ADAMTSL1: variants seen among roughly 807,000 people sequenced by gnomAD.
ADAMTSL1 encodes the protein ADAMTS like 1.
Under a neutral mutation model 201.8 loss-of-function variants are expected in ADAMTSL1, and 126 were observed. The observed-to-expected ratio is 0.62, with a 90% CI of 0.54 to 0.72. The LOEUF (loss-of-function observed/expected upper bound fraction) is 0.72. ADAMTSL1 is among the 30% of genes least tolerant of loss of function. ADAMTSL1 has a pLI of 0.00. For missense variants in ADAMTSL1, 2,679 were observed against 2,277.8 expected, an observed-to-expected ratio of 1.18 and a Z score of -3.59; for synonymous variants, 1,121 against 903.4, an observed-to-expected ratio of 1.24 and a Z score of -4.32.
At chr9:18,563,317 T>G (rs1188677037) in intron 3 of ADAMTSL1, among the ~76,000 whole-genome samples, 1 of 152,176 alleles carries the variant, frequency 6.6e-6, no homozygotes, top group Non-Finnish European at 1.5e-5. Flanking sequence ...CCAGACCCTG[T>G]TTACCTGGGT....
chr9:18,491,347 G>T (rs1822262790), intron 1 of ADAMTSL1, among the ~76,000 whole-genome samples: 1 of 152,106 alleles, frequency 6.6e-6, no homozygotes, highest in Admixed American at 6.5e-5. Flanking sequence ...TTTTCACATT[G>T]CTAAGCATGT....
intron 20 of ADAMTSL1, among the ~76,000 whole-genome samples, chr9:18,800,128 G>A (rs1425427258): frequency 1.3e-5 from 2 of 152,080 alleles, no homozygotes; most frequent in Non-Finnish European, 2.9e-5. Flanking sequence ...TGTAATCCCA[G>A]CACTTTGGGA....
chr9:18,209,545 G>A (rs1393023147), intron 2 of ADAMTSL1, among the ~76,000 whole-genome samples: 4 of 152,102 alleles, frequency 2.6e-5, no homozygotes, highest in Admixed American at 2.0e-4. Context: ...GCTAAAGGGA[G>A]GTCCCGATAA....
At chr9:18,131,079 C>A (rs888708818) in intron 1 of ADAMTSL1, among the ~76,000 whole-genome samples, 1 of 152,140 alleles carries the variant, frequency 6.6e-6, no homozygotes, top group African/African-American at 2.4e-5. Context: ...ATGGCTCAAT[C>A]TCTGCCATCC....
At chr9:18,870,141 T>A (rs1012891259) in intron 23 of ADAMTSL1, among the ~76,000 whole-genome samples, 1 of 152,224 alleles carries the variant, frequency 6.6e-6, no homozygotes, top group African/African-American at 2.4e-5. Flanking sequence ...GAGTGTATTT[T>A]CATGTCCTTA....
chr9:18,323,543 C>A (rs1285577152), intron 2 of ADAMTSL1, among the ~76,000 whole-genome samples: 1 of 151,932 alleles, frequency 6.6e-6, no homozygotes, highest in Non-Finnish European at 1.5e-5. Context: ...AAGAAAAAAA[C>A]CCATAAAATT....
intron 1 of ADAMTSL1, among the ~76,000 whole-genome samples, chr9:18,011,177 A>T (rs1820037345): frequency 6.6e-6 from 1 of 152,042 alleles, no homozygotes; most frequent in Non-Finnish European, 1.5e-5. Flanking sequence ...TCTTGAGACA[A>T]AAGAGGTATG....
chr9:18,809,841 C>T (rs1484758935), intron 20 of ADAMTSL1, among the ~76,000 whole-genome samples: 1 of 152,004 alleles, frequency 6.6e-6, no homozygotes, highest in Non-Finnish European at 1.5e-5. Context: ...TTTAATTGTA[C>T]TGAAAAGGGA....
At chr9:18,877,293 T>A (rs557284258) in intron 23 of ADAMTSL1, among the ~76,000 whole-genome samples, 2 of 152,294 alleles carry the variant, frequency 1.3e-5, no homozygotes, top group South Asian at 4.1e-4. Context: ...GCCAGTGTGA[T>A]CTTTTGGGAG....
chr9:18,848,770 G>T (rs1360622212), intron 23 of ADAMTSL1, among the ~76,000 whole-genome samples: 1 of 152,196 alleles, frequency 6.6e-6, no homozygotes, highest in Non-Finnish European at 1.5e-5. Context: ...CCTGTTGCGG[G>T]TATTCAACTC....
chr9:18,377,749 G>C (rs1363437435), intron 2 of ADAMTSL1, among the ~76,000 whole-genome samples: 2 of 152,116 alleles, frequency 1.3e-5, no homozygotes, highest in Admixed American at 6.6e-5. Context: ...TGTATTTTTA[G>C]TAGAGACAGG....
rs546639820 is a variant in ADAMTSL1, at chr9:18,575,518, T to A, written c.474+1252T>A. Among the ~76,000 whole-genome samples, 106 of 152,364 alleles carry A rather than the reference T, an allele frequency of 7.0e-4. No individual in the cohort carries two copies. The Middle Eastern group carries it at 0.017, about 24-fold the overall frequency. ...ATCTGAATAAATCATTTCTGATCTT[T>A]GCTATTTACTTCCTCCTCTAGGACT... On this transcript the variant is annotated intron_variant, in intron 4 of 28. Transcript: ENST00000380548.
chr9:18,056,365 A>G (rs527363056), intron 1 of ADAMTSL1, among the ~76,000 whole-genome samples: 1 of 152,282 alleles, frequency 6.6e-6, no homozygotes, highest in Non-Finnish European at 1.5e-5. Flanking sequence ...AATGGCTTAG[A>G]CAAGAGCGTG....
chr9:18,015,783 A>T (rs981698570), intron 1 of ADAMTSL1, among the ~76,000 whole-genome samples: 1 of 151,998 alleles, frequency 6.6e-6, no homozygotes, highest in African/African-American at 2.4e-5. Flanking sequence ...TTCAAAAAAT[A>T]TGCCTGGATC....
At chr9:18,263,286 A>T (rs1486145695) in intron 2 of ADAMTSL1, among the ~76,000 whole-genome samples, 1 of 152,154 alleles carries the variant, frequency 6.6e-6, no homozygotes, top group Non-Finnish European at 1.5e-5. Context: ...TCAGTGGAGG[A>T]GATCTAACAT....
chr9:18,585,179 G>T (rs1403430940), intron 4 of ADAMTSL1, among the ~76,000 whole-genome samples: 2 of 152,078 alleles, frequency 1.3e-5, no homozygotes, highest in Non-Finnish European at 2.9e-5. Context: ...TCATGGAAGG[G>T]ATTCTTCTGA....
intron 1 of ADAMTSL1, among the ~76,000 whole-genome samples, chr9:18,053,495 C>G (rs1822032934): frequency 6.6e-6 from 1 of 152,086 alleles, no homozygotes; most frequent in African/African-American, 2.4e-5. Flanking sequence ...AAACAAAGTC[C>G]ATTTTCTGAT....
intron 25 of ADAMTSL1, among the ~76,000 whole-genome samples, chr9:18,891,441 C>G (rs961094811): frequency 1.3e-5 from 2 of 152,204 alleles, no homozygotes; most frequent in Admixed American, 1.3e-4. Flanking sequence ...CTCTCTCCTT[C>G]TCTTTGAGAA....
chr9:18,149,209 C>G (rs2132036529), intron 1 of ADAMTSL1, among the ~76,000 whole-genome samples: 1 of 152,018 alleles, frequency 6.6e-6, no homozygotes, highest in South Asian at 2.1e-4. Flanking sequence ...GTCAGACTTA[C>G]CGAGATAATG....
Sources: gnomAD v4.1 joint callset for allele counts (sites outside exome capture counted in the v4.1 genomes callset) on GRCh38, gnomAD v4.1.1 for gene constraint, MANE v1.5 for transcripts, NCBI Gene and HGNC (gene_info 2026-07-23, HGNC 2026-07-21) for gene names.